The following PCDHA4 variants were observed in gnomAD, a reference collection of about 807,000 sequenced individuals.
The protein encoded by PCDHA4 is protocadherin alpha-4.
Under a neutral mutation model 61.4 loss-of-function variants are expected in PCDHA4, and 49 were observed. The ratio of observed to expected loss-of-function variants is 0.80; its 90% confidence interval spans 0.63 to 1.01. The LOEUF is 1.01. Ranked by LOEUF, PCDHA4 falls within the 50% of genes least tolerant of loss-of-function variation. The probability of loss-of-function intolerance (pLI) is 0.00; values close to 1 mark genes in which losing one functional copy is unlikely to be tolerated. For missense variants in PCDHA4, 1,254 were observed against 1,235.8 expected, an observed-to-expected ratio of 1.01 and a Z score of -0.22; for synonymous variants, 590 against 550.3, an observed-to-expected ratio of 1.07 and a Z score of -1.01.
intron 1 of PCDHA4, among the ~76,000 whole-genome samples, chr5:140,923,228 CCAGAA>C (rs2081257346): frequency 1.4e-5 from 1 of 71,808 alleles, no homozygotes; most frequent in Admixed American, 1.5e-4. Flanking sequence ...TCGTTTGAGC[CCAGAA>C]GTTTGAGACC....
chr5:140,968,094 A>G, intron 1 of PCDHA4: 1 of 1,614,138 alleles, frequency 6.2e-7, no homozygotes. Flanking sequence ...ACAGCCACAG[A>G]TGGGGGAATA....
intron 1 of PCDHA4, among the ~76,000 whole-genome samples, chr5:140,907,434 A>G (rs782559641): frequency 2.5e-4 from 38 of 152,256 alleles, no homozygotes; most frequent in Non-Finnish European, 4.4e-4. Context: ...GCATTCTGTG[A>G]GTCCACAGAT....
intron 1 of PCDHA4, among the ~76,000 whole-genome samples, chr5:140,902,858 C>T (rs1275375548): frequency 6.6e-6 from 1 of 152,110 alleles, no homozygotes; most frequent in African/African-American, 2.4e-5. Context: ...AAATGGCGTC[C>T]AGGTCCACCC....
At chr5:140,924,715 C>T (rs1258622619) in intron 1 of PCDHA4, among the ~76,000 whole-genome samples, 5 of 151,692 alleles carry the variant, frequency 3.3e-5, no homozygotes, top group African/African-American at 7.3e-5. Context: ...TGCAACATGG[C>T]GAAACCTCAC....
chr5:140,858,198 C>G, intron 1 of PCDHA4: 1 of 1,597,410 alleles, frequency 6.3e-7, no homozygotes, highest in Admixed American at 1.7e-5. Flanking sequence ...CTGCTGTACA[C>G]TGCACTGAGG....
rs2150454845 is a variant in PCDHA4, at chr5:140,849,865, A to G, written c.2385+40293A>G. On this transcript the variant is annotated intron_variant, in intron 1 of 3. Coordinates refer to ENST00000530339, the MANE Select transcript of PCDHA4 (RefSeq NM_018907.4). ...AACGACAACGCACCAGCGTTCGCGC[A>G]GTCCGAGTACACGGTGTTCGTGAAG... The G allele has an allele frequency of 3.1e-6, 5 of 1,598,572 alleles. 1 individual carries two copies. The Admixed American group carries it at 8.4e-5, about 27-fold the overall frequency.
At chr5:140,845,938 G>T (rs1554141077) in intron 1 of PCDHA4, among the ~76,000 whole-genome samples, 1 of 149,608 alleles carries the variant, frequency 6.7e-6, no homozygotes, top group South Asian at 2.1e-4. Flanking sequence ...ACTATCTTCT[G>T]TAAAGTCATT....
At chr5:140,913,282 AG>A (rs1231451737) in intron 1 of PCDHA4, among the ~76,000 whole-genome samples, 20 of 152,154 alleles carry the variant, frequency 1.3e-4, no homozygotes, top group African/African-American at 4.6e-4. Flanking sequence ...TGGTCTGTTT[AG>A]GTTTTAATTT....
chr5:140,871,082 C>T, intron 1 of PCDHA4: 1 of 1,613,246 alleles, frequency 6.2e-7, no homozygotes, highest in Non-Finnish European at 8.5e-7. Context: ...GCGCTGACGG[C>T]CACGGCCACC....
At chr5:140,864,054 C>T (rs575153653) in intron 1 of PCDHA4, 20 of 152,698 alleles carry the variant, frequency 1.3e-4, no homozygotes, top group African/African-American at 4.6e-4. Flanking sequence ...TTACTACAGT[C>T]ACCATGAACA....
chr5:140,845,503 C>A lies in PCDHA4; in HGVS notation c.2385+35931C>A, dbSNP rs1485886785. On this transcript the variant is annotated intron_variant, in intron 1 of 3. Transcript: ENST00000530339. ...TGCTTTCACAGTGAGAAAGTCTAAA[C>A]CTATTTCTTGTACATTAATACTTTT... Among the ~76,000 whole-genome samples the A allele has an allele frequency of 3.3e-5, 5 of 149,694 alleles. No homozygotes were observed. In the South Asian group the frequency reaches 8.5e-4, roughly 25 times the overall value.
intron 1 of PCDHA4, among the ~76,000 whole-genome samples, chr5:140,925,394 C>T (rs782536310): frequency 1.3e-5 from 2 of 151,950 alleles, no homozygotes; most frequent in East Asian, 1.9e-4. Context: ...CCTTTTGGCT[C>T]GCCTCCTTCT....
In PCDHA4 at chr5:140,808,955, G is replaced by A. The variant is rs1369862214; in HGVS notation, c.1768G>A (p.Val590Met). ...GCCATGGTCGGTGGGTGTGGGCCAC[G>A]TGGTGGCAAAGGTGCGCGCGGTGGA... ...LVPWSVGVGH[V>M]VAKVRAVDAD... is the part of the protein sequence containing the mutation. The change falls in exon 1 of 4, where the codon GTG (valine) becomes ATG (methionine). Residue 590 changes from valine to methionine, a missense_variant. Transcript: ENST00000530339. The A allele has an allele frequency of 1.9e-5, 31 of 1,613,472 alleles. No individual in the cohort carries two copies. Among genetic ancestry groups the A allele is most frequent in the Non-Finnish European group, 2.5e-5 (29 of 1,179,716 alleles).
chr5:140,842,435 A>G (rs2150336163), intron 1 of PCDHA4: 10 of 1,613,586 alleles, frequency 6.2e-6, no homozygotes, highest in Admixed American at 5.0e-5. Context: ...CATCGCCCTA[A>G]TTAGCGTGAA....
At chr5:140,944,290 C>T (rs912018562) in intron 1 of PCDHA4, among the ~76,000 whole-genome samples, 8 of 152,124 alleles carry the variant, frequency 5.3e-5, no homozygotes, top group African/African-American at 9.7e-5. Flanking sequence ...CGGGCTCAAG[C>T]GATCCTCCTA....
chr5:140,927,921 G>A, intron 1 of PCDHA4: 2 of 1,614,194 alleles, frequency 1.2e-6, no homozygotes, highest in South Asian at 1.1e-5. Context: ...TGGACTTCCT[G>A]ACTCTTTCGA....
chr5:140,848,473 T>C lies in PCDHA4; in HGVS notation c.2385+38901T>C, dbSNP rs2150410947. 9.6e-6 allele frequency: 15 copies of C among 1,556,324 alleles called. No individual in the cohort carries two copies. In the East Asian group the frequency reaches 3.4e-4, roughly 35 times the overall value. On this transcript the variant is annotated intron_variant, in intron 1 of 3. Transcript: ENST00000530339. ...TAATTTGGAGGCAATTTTCACTAATTAGAAGAAGACTGAGTATTTGAAATG... is the reference window on the plus strand; with the variant it reads ...TAATTTGGAGGCAATTTTCACTAATCAGAAGAAGACTGAGTATTTGAAATG...
chr5:140,882,886 G>C, intron 1 of PCDHA4: 1 of 1,614,200 alleles, frequency 6.2e-7, no homozygotes, highest in Non-Finnish European at 8.5e-7. Context: ...AGGAAATTCA[G>C]GAACATAGTT....
At chr5:140,817,374 T>G (rs782433149) in intron 1 of PCDHA4, 1 of 152,242 alleles carries the variant, frequency 6.6e-6, no homozygotes, top group South Asian at 2.1e-4. Context: ...GTTTCGGCAC[T>G]TATCACCATG....
Sources: allele counts gnomAD v4.1 joint callset (sites outside exome capture counted in the v4.1 genomes callset), GRCh38; gene constraint gnomAD v4.1.1; transcripts MANE v1.5; gene names NCBI Gene and HGNC (gene_info 2026-07-23, HGNC 2026-07-21).